Variants in CNGB3 observed in about 807,000 individuals in gnomAD.
The protein encoded by CNGB3 is cyclic nucleotide gated channel subunit beta 3.
A neutral mutation model predicts 92.8 loss-of-function variants in CNGB3; 86 were observed. The ratio of observed to expected loss-of-function variants is 0.93; its 90% CI spans 0.78 to 1.11. CNGB3 has a LOEUF of 1.11. CNGB3 is among the 50% of genes least tolerant of loss of function. The probability of loss-of-function intolerance (pLI) is 0.00; values close to 1 mark genes in which losing one functional copy is unlikely to be tolerated. For synonymous variants in CNGB3, 333 were observed against 332.7 expected, an observed-to-expected ratio of 1.00 and a Z score of -0.01; for missense variants, 1,026 against 956.8, an observed-to-expected ratio of 1.07 and a Z score of -0.95.
intron 2 of CNGB3, among the ~76,000 whole-genome samples, chr8:86,738,566 G>A (rs1272839631): frequency 3.9e-5 from 6 of 152,174 alleles, no homozygotes; most frequent in African/African-American, 7.2e-5. Context: ...TGGGCCGGGC[G>A]CGGTGGCTCA....
chr8:86,582,176 C>A (rs952157733), intron 15 of CNGB3, among the ~76,000 whole-genome samples: 4 of 152,064 alleles, frequency 2.6e-5, no homozygotes, highest in Non-Finnish European at 1.5e-5. Flanking sequence ...GGGTGGATCA[C>A]TTGAGCTCAG....
In CNGB3 at chr8:86,698,204, AC is replaced by A. The variant is rs376288182; in HGVS notation, c.339-27107del. Among the ~76,000 whole-genome samples, 528 of 152,346 alleles carry A rather than the reference AC, an allele frequency of 3.5e-3. 6 individuals carry two copies. Among genetic ancestry groups the A allele is most frequent in the African/African-American group, 0.012 (501 of 41,564 alleles). The stretch of plus-strand genomic sequence containing the variant: ...AATGAATTCATTTGTTCATTTGTAT[AC>A]AGCAGATTCAAGTTATTAGTAAATG... On this transcript the variant is annotated intron_variant, in intron 3 of 17. Transcript: ENST00000320005.
At chr8:86,711,876 ATAT>A (rs1013127961) in intron 3 of CNGB3, among the ~76,000 whole-genome samples, 11 of 150,336 alleles carry the variant, frequency 7.3e-5, no homozygotes, top group Non-Finnish European at 1.6e-4. Context: ...TAGTATATAA[ATAT>A]TATGTATAAT....
At chr8:86,667,549 T>A (rs28451864) in intron 5 of CNGB3, among the ~76,000 whole-genome samples, 83,941 of 152,056 alleles carry the variant, frequency 0.55, 23,244 homozygotes, top group Middle Eastern at 0.69. Context: ...AAAGGCCACA[T>A]CCTGCCAGAA....
intron 8 of CNGB3, among the ~76,000 whole-genome samples, chr8:86,645,560 C>A (rs1203172818): frequency 2.6e-5 from 4 of 151,258 alleles, no homozygotes; most frequent in Non-Finnish European, 5.9e-5. Context: ...TAGACTCTTA[C>A]AGATAGAAGG....
In CNGB3 at chr8:86,673,046, G is replaced by A. The variant is rs116405404; in HGVS notation, c.339-1948C>T. Among the ~76,000 whole-genome samples, 797 of 152,262 alleles carry A rather than the reference G, an allele frequency of 5.2e-3. 8 individuals are homozygous for A. The highest frequency in any genetic ancestry group is 0.018 in the African/African-American group (760 of 41,538). The stretch of plus-strand genomic sequence containing the variant: ...ATAATTTCACTGATTCCTTCTTAAA[G>A]GTGTGCTTAGAAGTTTATTCATCCA... On this transcript the variant is annotated intron_variant, in intron 3 of 17. Transcript: ENST00000320005.
chr8:86,593,872 C>T, intron 15 of CNGB3: 2 of 706,262 alleles, frequency 2.8e-6, no homozygotes, highest in Non-Finnish European at 5.0e-6. Context: ...GCAGCATAGC[C>T]AGGTCCTGCT....
intron 13 of CNGB3, among the ~76,000 whole-genome samples, chr8:86,617,066 G>A (rs1179253558): frequency 6.6e-6 from 1 of 152,212 alleles, no homozygotes; most frequent in Non-Finnish European, 1.5e-5. Context: ...CTGTATAGCT[G>A]TGTTACCGAT....
intron 3 of CNGB3, among the ~76,000 whole-genome samples, chr8:86,713,938 AC>A (rs1186717888): frequency 1.3e-5 from 2 of 152,074 alleles, no homozygotes; most frequent in Admixed American, 1.3e-4. Flanking sequence ...CTTTGATCCC[AC>A]CCTTGCATAA....
At chr8:86,667,561 G>A (rs1823767882) in intron 5 of CNGB3, among the ~76,000 whole-genome samples, 1 of 152,194 alleles carries the variant, frequency 6.6e-6, no homozygotes, top group Non-Finnish European at 1.5e-5. Flanking sequence ...CTGCCAGAAG[G>A]AGTATGGCAC....
chr8:86,667,860 G>A (rs1286301215), intron 5 of CNGB3, among the ~76,000 whole-genome samples, 159 bp downstream of exon 5: 1 of 152,070 alleles, frequency 6.6e-6, no homozygotes, highest in Non-Finnish European at 1.5e-5. Flanking sequence ...ACCAAAGATG[G>A]GCAAATGATC....
At chr8:86,637,072 C>T (rs1395380518) in intron 10 of CNGB3, among the ~76,000 whole-genome samples, 1 of 152,182 alleles carries the variant, frequency 6.6e-6, no homozygotes, top group African/African-American at 2.4e-5. Flanking sequence ...CTGCAATGAA[C>T]ATGGGAGTGC....
At chr8:86,610,886 TGAA>T (rs1822504210) in intron 14 of CNGB3, among the ~76,000 whole-genome samples, 4 of 152,322 alleles carry the variant, frequency 2.6e-5, no homozygotes, top group Admixed American at 2.6e-4. Context: ...ATCCATAGAC[TGAA>T]ACATCATGCA....
chr8:86,640,669 TA>T (rs1403987365), intron 10 of CNGB3, among the ~76,000 whole-genome samples: 3 of 152,068 alleles, frequency 2.0e-5, no homozygotes, highest in African/African-American at 4.8e-5. Context: ...GAATTGCAAA[TA>T]AAAGCCAATT....
chr8:86,713,784 A>G (rs1014062836), intron 3 of CNGB3, among the ~76,000 whole-genome samples: 5 of 152,212 alleles, frequency 3.3e-5, no homozygotes, highest in Non-Finnish European at 2.9e-5. Flanking sequence ...AAAATTAATC[A>G]AACTAAATTT....
intron 15 of CNGB3, among the ~76,000 whole-genome samples, chr8:86,600,939 T>C (rs936016303): frequency 1.3e-5 from 2 of 151,994 alleles, no homozygotes; most frequent in African/African-American, 2.4e-5. Flanking sequence ...CTCTAGTTCT[T>C]ACATTTTAGT....
At chr8:86,589,910 CGTT>C (rs1821988638) in intron 15 of CNGB3, among the ~76,000 whole-genome samples, 1 of 151,546 alleles carries the variant, frequency 6.6e-6, no homozygotes, top group Non-Finnish European at 1.5e-5. Flanking sequence ...CTTTCTGTCT[CGTT>C]GATCTGTCTA....
intron 13 of CNGB3, among the ~76,000 whole-genome samples, chr8:86,622,375 C>CTTTTTTT (rs11318413): frequency 1.5e-5 from 2 of 131,688 alleles, no homozygotes; most frequent in Non-Finnish European, 3.2e-5. Flanking sequence ...GGCCATTCTT[C>CTTTTTTT]TTTTTTTTTT....
chr8:86,634,155 T>C (rs1823018422), intron 10 of CNGB3, among the ~76,000 whole-genome samples: 1 of 152,190 alleles, frequency 6.6e-6, no homozygotes, highest in Non-Finnish European at 1.5e-5. Flanking sequence ...CATACTATGG[T>C]TTGATTTTAT....
Sources: gnomAD v4.1 joint callset for allele counts (sites outside exome capture counted in the v4.1 genomes callset) on GRCh38, gnomAD v4.1.1 for gene constraint, MANE v1.5 for transcripts, NCBI Gene and HGNC (gene_info 2026-07-23, HGNC 2026-07-21) for gene names.